The following TCF12 variants were observed in gnomAD, a reference collection of about 807,000 sequenced individuals.
TCF12 encodes DNA-binding protein HTF4.
Under a neutral mutation model 86.0 loss-of-function variants are expected in TCF12, and 45 were observed. The observed-to-expected ratio is 0.52, with a 90% confidence interval of 0.41 to 0.67. TCF12 has a LOEUF of 0.67. Among genes scored for constraint, TCF12 ranks in the 30% least tolerant of loss-of-function variants. The pLI is 0.00. For missense variants in TCF12, 881 were observed against 859.9 expected (o/e 1.02, Z -0.31); for synonymous variants, 330 against 299.6 (o/e 1.10, Z -1.05).
At chr15:56,936,538 C>T (rs1041926132) in intron 3 of TCF12, among the ~76,000 whole-genome samples, 3 of 152,116 alleles carry the variant, frequency 2.0e-5, no homozygotes, top group Non-Finnish European at 2.9e-5. Flanking sequence ...GGTTCTTGGT[C>T]ATGAAGTCTT....
intron 12 of TCF12, among the ~76,000 whole-genome samples, chr15:57,236,602 T>C (rs149944499): frequency 2.1e-3 from 323 of 152,328 alleles, no homozygotes; most frequent in Non-Finnish European, 3.7e-3. Context: ...ATCTTTCATA[T>C]TGTGAAACAT....
At chr15:57,097,416 C>A (rs2049402638) in intron 5 of TCF12, among the ~76,000 whole-genome samples, 2 of 151,952 alleles carry the variant, frequency 1.3e-5, no homozygotes, top group Admixed American at 6.6e-5. Flanking sequence ...ATGGTCCCAC[C>A]TACCTGGGAG....
At chr15:57,118,686 G>A (rs564916159) in intron 5 of TCF12, among the ~76,000 whole-genome samples, 5 of 152,288 alleles carry the variant, frequency 3.3e-5, no homozygotes, top group Non-Finnish European at 4.4e-5. Flanking sequence ...CTTGTCTAAA[G>A]TAGCCAGTAT....
intron 14 of TCF12, 43 bp from the exon 15 acceptor site, chr15:57,252,378 C>T (rs1174467455): frequency 1.3e-6 from 2 of 1,526,866 alleles, no homozygotes; most frequent in African/African-American, 1.4e-5. Context: ...TGGAGTTAAT[C>T]TTAACCTGTG....
intron 3 of TCF12, among the ~76,000 whole-genome samples, chr15:56,960,119 A>G (rs576173702): frequency 6.6e-6 from 1 of 152,310 alleles, no homozygotes; most frequent in East Asian, 1.9e-4. Context: ...CAAATAAGTA[A>G]TTTATTTGTA....
At chr15:57,092,668 T>C (rs192539713) in intron 5 of TCF12, among the ~76,000 whole-genome samples, 109 of 152,212 alleles carry the variant, frequency 7.2e-4, no homozygotes, top group Non-Finnish European at 1.3e-3. Flanking sequence ...CTGTATGTTT[T>C]ATGATTTTTT....
At chr15:56,963,609 C>T (rs935452164) in intron 3 of TCF12, among the ~76,000 whole-genome samples, 1 of 152,138 alleles carries the variant, frequency 6.6e-6, no homozygotes, top group Non-Finnish European at 1.5e-5. Context: ...GATTTGGACT[C>T]AGTGTTTTAT....
At chr15:57,095,333 A>G (rs973802579) in intron 5 of TCF12, among the ~76,000 whole-genome samples, 3 of 152,154 alleles carry the variant, frequency 2.0e-5, no homozygotes, top group African/African-American at 7.2e-5. Context: ...TGATCCTCTC[A>G]TTAATTTCAG....
At chr15:57,149,830 T>C (rs952376098) in intron 5 of TCF12, among the ~76,000 whole-genome samples, 1 of 152,188 alleles carries the variant, frequency 6.6e-6, no homozygotes, top group Non-Finnish European at 1.5e-5. Flanking sequence ...TTATGTTCTA[T>C]CTTTTTCTGA....
chr15:57,190,877 T>A (rs1203812866), intron 6 of TCF12, among the ~76,000 whole-genome samples: 2 of 152,110 alleles, frequency 1.3e-5, no homozygotes, highest in Non-Finnish European at 2.9e-5. Flanking sequence ...AGATTAAGAA[T>A]CTGAAAAAGA....
At chr15:56,933,998 T>A (rs1406117624) in intron 3 of TCF12, among the ~76,000 whole-genome samples, 2 of 152,088 alleles carry the variant, frequency 1.3e-5, no homozygotes, top group African/African-American at 4.8e-5. Context: ...CAGAATCTCT[T>A]ATAAATTCAT....
At chr15:56,919,852 C>G (rs945344555) in intron 1 of TCF12, 40 bp from the exon 2 acceptor site, 1 of 1,578,312 alleles carries the variant, frequency 6.3e-7, no homozygotes, top group African/African-American at 1.3e-5. Flanking sequence ...ACACTTTGGG[C>G]CTCGGTGGTC....
intron 12 of TCF12, among the ~76,000 whole-genome samples, chr15:57,241,343 C>T (rs370263437): frequency 1.3e-5 from 2 of 152,028 alleles, no homozygotes; most frequent in Non-Finnish European, 2.9e-5. Context: ...CCACCTGCCT[C>T]GGCCTCCCAA....
At chr15:57,103,399 G>A (rs2049896317) in intron 5 of TCF12, among the ~76,000 whole-genome samples, 1 of 152,084 alleles carries the variant, frequency 6.6e-6, no homozygotes, top group Admixed American at 6.6e-5. Context: ...ATTTAATTGG[G>A]ACCCTGCCTC....
intron 3 of TCF12, among the ~76,000 whole-genome samples, chr15:56,975,305 T>G (rs1274656489): frequency 6.6e-6 from 1 of 152,116 alleles, no homozygotes; most frequent in East Asian, 1.9e-4. Flanking sequence ...GCTGACAAAA[T>G]GTAGTCTAAA....
At chr15:56,926,504 A>G (rs757301887) in intron 3 of TCF12, among the ~76,000 whole-genome samples, 3 of 152,188 alleles carry the variant, frequency 2.0e-5, no homozygotes, top group Non-Finnish European at 4.4e-5. Context: ...TTTAGAGTTG[A>G]CTTGTGATGG....
intron 3 of TCF12, among the ~76,000 whole-genome samples, chr15:56,929,216 A>C (rs2060141874): frequency 6.6e-6 from 1 of 152,144 alleles, no homozygotes; most frequent in Non-Finnish European, 1.5e-5. Context: ...CCTTAATGAG[A>C]AGCCCAACTC....
chr15:56,918,368 C>CGAGATCTACA, upstream of TCF12: 2 of 389,628 alleles, frequency 5.1e-6, no homozygotes, highest in South Asian at 1.8e-5. Context: ...TACCTGCCAC[C>CGAGATCTACA]CCGCTCCCAG....
chr15:57,233,359 G>A (rs1455866827), intron 11 of TCF12, among the ~76,000 whole-genome samples: 5 of 151,562 alleles, frequency 3.3e-5, no homozygotes, highest in African/African-American at 1.2e-4. Context: ...TTTACTTTTT[G>A]TTGAGACAGG....
Sources: allele counts gnomAD v4.1 joint callset (sites outside exome capture counted in the v4.1 genomes callset), GRCh38; gene constraint gnomAD v4.1.1; transcripts MANE v1.5; gene names NCBI Gene and HGNC (gene_info 2026-07-23, HGNC 2026-07-21).